The following FKBP15 variants were observed in gnomAD, a reference collection of about 807,000 sequenced individuals.
The protein encoded by FKBP15 is FK506-binding protein 15.
Under a neutral mutation model 158.1 loss-of-function variants are expected in FKBP15, and 106 were observed. The ratio of observed to expected loss-of-function variants is 0.67; its 90% CI spans 0.57 to 0.79. FKBP15 has a LOEUF of 0.79. Ranked by LOEUF, FKBP15 falls within the 30% of genes least tolerant of loss-of-function variation. The pLI is 0.00. For missense variants in FKBP15, 1,287 were observed against 1,479.1 expected, an observed-to-expected ratio of 0.87 and a Z score of 2.13; for synonymous variants, 547 against 548.6, an observed-to-expected ratio of 1.00 and a Z score of 0.04.
At chr9:113,191,423 G>A (rs181451762) in intron 11 of FKBP15, among the ~76,000 whole-genome samples, 1 of 151,750 alleles carries the variant, frequency 6.6e-6, no homozygotes, top group African/African-American at 2.4e-5. Flanking sequence ...TTGCTTACAG[G>A]GATTGGTGGT....
intron 19 of FKBP15, among the ~76,000 whole-genome samples, chr9:113,181,769 AGAG>A (rs1253631844): frequency 6.6e-6 from 1 of 152,214 alleles, no homozygotes; most frequent in Non-Finnish European, 1.5e-5. Context: ...AAGGAAAGGA[AGAG>A]AAGAAATAAA....
intron 10 of FKBP15, among the ~76,000 whole-genome samples, 173 bp from the exon 11 acceptor site, chr9:113,193,722 C>G (rs1227284256): frequency 4.6e-5 from 7 of 152,170 alleles, no homozygotes; most frequent in African/African-American, 4.8e-5. Context: ...TAAAGATGAA[C>G]AACTTTCCAT....
Position 113,203,030 on chromosome 9 carries a change from C to T in FKBP15, c.330G>A (p.Arg110=). 6.2e-7 allele frequency: 1 copy of T among 1,609,008 alleles called. No individual in the cohort carries two copies. Among genetic ancestry groups the T allele is most frequent in the East Asian group, 2.2e-5 (1 of 44,844 alleles). The stretch of plus-strand genomic sequence containing the variant: ...GTTGTTGACTGATATAAAGAAGAAT[C>T]CTATACTGTAGACAAGCAACGACAG... The part of the protein sequence containing the change: ...VLGNHTAREY[R]ILLYISQQQP... Residue 110 remains arginine, a synonymous_variant, in exon 5 of 28, where the codon AGG becomes AGA. Coordinates refer to ENST00000238256, the MANE Select transcript of FKBP15 (RefSeq NM_015258.2).
Position 113,165,319 on chromosome 9 carries a change from C to T in FKBP15, c.*759G>A, listed in dbSNP as rs1316332948. The T allele has an allele frequency of 6.6e-6, 1 of 152,136 alleles. No individual in the cohort carries two copies. Among genetic ancestry groups the T allele is most frequent in the Non-Finnish European group, 1.5e-5 (1 of 68,040 alleles). The allele number at this position is 152,136 out of a possible 1,614,324, so 9.4% of individuals were successfully genotyped here. ...ACTGGTCCTCACAGAACCATCATGC[C>T]CCAGGGATGAGCTAGGACTACAGTG... On this transcript the variant is annotated 3_prime_UTR_variant, in exon 28 of 28. Coordinates refer to ENST00000238256, the MANE Select transcript of FKBP15 (RefSeq NM_015258.2).
chr9:113,205,624 G>A (rs984668873), intron 4 of FKBP15, among the ~76,000 whole-genome samples: 5 of 152,080 alleles, frequency 3.3e-5, no homozygotes, highest in Admixed American at 2.6e-4. Flanking sequence ...CTCAAAAAGT[G>A]GTACATAAAA....
chr9:113,211,223 A>T (rs549460625), intron 2 of FKBP15, among the ~76,000 whole-genome samples: 12 of 152,310 alleles, frequency 7.9e-5, no homozygotes, highest in African/African-American at 2.6e-4. Context: ...AGGCTGGAGT[A>T]CAGTGGCTCA....
chr9:113,170,299 A>G (rs565403164), intron 25 of FKBP15, among the ~76,000 whole-genome samples: 20 of 151,986 alleles, frequency 1.3e-4, no homozygotes, highest in African/African-American at 4.8e-4. Context: ...CTAATTTTTA[A>G]ATTTTTAATT....
chr9:113,183,867 T>C (rs1196377140), intron 17 of FKBP15, 22 bp from the exon 18 acceptor site: 1 of 1,573,156 alleles, frequency 6.4e-7, no homozygotes, highest in South Asian at 1.1e-5. Context: ...ATATATGATG[T>C]ACAATTTAAG....
intron 1 of FKBP15, among the ~76,000 whole-genome samples, chr9:113,212,490 A>G (rs542958290): frequency 1.3e-5 from 2 of 152,228 alleles, no homozygotes; most frequent in South Asian, 4.1e-4. Flanking sequence ...GGCCCATCCG[A>G]TCACCAACAA....
rs183732867 is a variant in FKBP15 at position 113,173,189 on chromosome 9, A to G, written c.2532+264T>C. 2.0e-4 allele frequency among the ~76,000 whole-genome samples: 30 copies of G among 152,352 alleles called. No individual in the cohort carries two copies. The East Asian group carries it at 5.4e-3, about 27-fold the overall frequency. On this transcript the variant is annotated intron_variant, in intron 23 of 27. Coordinates refer to ENST00000238256, the MANE Select transcript of FKBP15 (RefSeq NM_015258.2). ...CTGGATGGAATACAACTGACTCTCA[A>G]TAAATATTTGCTTAATAAATGAAGG...
rs930891675 is a variant in FKBP15 at position 113,203,410 on chromosome 9, G to A, written c.325-375C>T. On this transcript the variant is annotated intron_variant, in intron 4 of 27. Coordinates refer to ENST00000238256, the MANE Select transcript of FKBP15 (RefSeq NM_015258.2). ...TATGTGCCCACGTGACCATCAACCA[G>A]ATTTAAAAAATAGCAGAGCATTTCC... is the stretch of plus-strand genomic sequence containing the variant. Among the ~76,000 whole-genome samples the A allele has an allele frequency of 3.3e-5, 5 of 152,064 alleles. 1 individual carries two copies. The highest frequency in any genetic ancestry group is 7.4e-5 in the Non-Finnish European group (5 of 68,016).
chr9:113,166,070 C>T lies in FKBP15; in HGVS notation c.*8G>A. The T allele has an allele frequency of 6.2e-7, 1 of 1,612,662 alleles. No individual in the cohort carries two copies. Among genetic ancestry groups the T allele is most frequent in the African/African-American group, 1.3e-5 (1 of 75,022 alleles). On this transcript the variant is annotated 3_prime_UTR_variant, in exon 28 of 28. Coordinates refer to ENST00000238256, the MANE Select transcript of FKBP15 (RefSeq NM_015258.2). ...GCAGAGAAACCTTTGCACCAGTTTC[C>T]TGGGTCTTCATCCCAGCCAGTCAAT...
At position 113,163,027 on chromosome 9, in the gene FKBP15, C is replaced by A; in HGVS notation, c.*3051G>T. 1 of 1,093,888 alleles carries A rather than the reference C, an allele frequency of 9.1e-7. No homozygotes were observed. The highest frequency in any genetic ancestry group is 1.2e-6 in the Non-Finnish European group (1 of 802,752). 67.8% of individuals were successfully genotyped at this position (1,093,888 alleles called of 1,614,324 possible). A position where few individuals can be genotyped will look rare whatever the true frequency, so the allele number is the denominator to read the frequency against. On this transcript the variant is annotated 3_prime_UTR_variant, in exon 28 of 28. Coordinates refer to ENST00000238256, the MANE Select transcript of FKBP15 (RefSeq NM_015258.2). ...TGATGGCTATTCCTCCACCTTATTCCCAGCCCCTGGAAACTTTGAGCTGAA... is the reference window on the plus strand; with the variant it reads ...TGATGGCTATTCCTCCACCTTATTCACAGCCCCTGGAAACTTTGAGCTGAA...
At position 113,162,108 on chromosome 9, in the gene FKBP15, C is replaced by G. The variant is rs4073133; in HGVS notation, c.*3970G>C. 3.0e-6 allele frequency: 1 copy of G among 336,046 alleles called. No individual in the cohort carries two copies. The highest frequency in any genetic ancestry group is 2.2e-5 in the African/African-American group (1 of 45,964). The allele number at this position is 336,046 out of a possible 1,614,324, so 20.8% of individuals were successfully genotyped here. A position where few individuals can be genotyped will look rare whatever the true frequency, so the allele number is the denominator to read the frequency against. The stretch of plus-strand genomic sequence containing the variant: ...TGGGAGGAGGATGACAAGCTCTCCT[C>G]TCCTCCCTTCCCACTCGAATCAGGC... On this transcript the variant is annotated 3_prime_UTR_variant, in exon 28 of 28. Transcript: ENST00000238256.
rs147146336 is a variant in FKBP15 at position 113,162,645 on chromosome 9, A to C, written c.*3433T>G. On this transcript the variant is annotated 3_prime_UTR_variant, in exon 28 of 28. Transcript: ENST00000238256. ...GGTTAAGCATACAAGTTATAAATCA[A>C]TCGGGTCACGTAACTCAACAGCTTT... The C allele has an allele frequency of 3.8e-6, 4 of 1,056,246 alleles. No homozygotes were observed. In the East Asian group the frequency reaches 7.5e-5, roughly 20 times the overall value. The allele number at this position is 1,056,246 out of a possible 1,614,324, so 65.4% of individuals were successfully genotyped here.
At position 113,207,199 on chromosome 9, in the gene FKBP15, C is replaced by A; in HGVS notation, c.254+13G>T. ...CACCAAACTTCAGAGGGTGTTCCTT[C>A]TCAGCGACTTACTATCGATATGCAT... is the stretch of plus-strand genomic sequence containing the variant. On this transcript the variant is annotated intron_variant, in intron 3 of 27. Transcript: ENST00000238256. 6.2e-7 allele frequency: 1 copy of A among 1,607,518 alleles called. No individual in the cohort carries two copies. The highest frequency in any genetic ancestry group is 2.2e-5 in the East Asian group (1 of 44,858).
chr9:113,204,335 T>C (rs1446016617), intron 4 of FKBP15, among the ~76,000 whole-genome samples: 1 of 152,276 alleles, frequency 6.6e-6, no homozygotes, highest in Non-Finnish European at 1.5e-5. Context: ...TCCAAAGTGC[T>C]GGGATTGCAG....
intron 2 of FKBP15, among the ~76,000 whole-genome samples, chr9:113,210,206 A>G (rs952058930): frequency 2.6e-5 from 4 of 151,926 alleles, no homozygotes; most frequent in Admixed American, 6.6e-5. Flanking sequence ...TTAGAGAAGC[A>G]CTCACCACTG....
intron 20 of FKBP15, 108 bp downstream of exon 20, chr9:113,178,522 C>T: frequency 1.7e-6 from 2 of 1,175,502 alleles, no homozygotes; most frequent in East Asian, 2.6e-5. Flanking sequence ...TGGTGTAGTC[C>T]TTCAAAAACT....
Sources: gnomAD v4.1 joint callset for allele counts (sites outside exome capture counted in the v4.1 genomes callset) on GRCh38, gnomAD v4.1.1 for gene constraint, MANE v1.5 for transcripts, NCBI Gene and HGNC (gene_info 2026-07-23, HGNC 2026-07-21) for gene names.